Variants in HDGF observed in about 807,000 individuals in gnomAD.
HDGF encodes the protein hepatoma-derived growth factor.
A neutral mutation model predicts 30.0 loss-of-function variants in HDGF; 5 were observed. The observed-to-expected ratio is 0.17, with a 90% confidence interval of 0.09 to 0.35. The LOEUF is 0.35. HDGF is among the 10% of genes least tolerant of loss of function. HDGF has a pLI of 1.00. For synonymous variants in HDGF, 133 were observed against 112.7 expected (o/e 1.18, Z -1.14); for missense variants, 214 against 302.8 (o/e 0.71, Z 2.18).
At chr1:156,755,241 G>A (rs935721458), upstream of HDGF, among the ~76,000 whole-genome samples, 1 of 152,168 alleles carries the variant, frequency 6.6e-6, no homozygotes, top group African/African-American at 2.4e-5. Context: ...AAGGTTGTGG[G>A]GTGCAGATCT....
At chr1:156,747,749 G>T (rs1650686090) in intron 1 of HDGF, among the ~76,000 whole-genome samples, 2 of 152,080 alleles carry the variant, frequency 1.3e-5, no homozygotes, top group Admixed American at 1.3e-4. Context: ...ATGCGTGATG[G>T]AAGAGGAGAA....
At chr1:156,755,737 T>G (rs564545861), upstream of HDGF, 13 of 152,192 alleles carry the variant, frequency 8.5e-5, no homozygotes, top group Non-Finnish European at 1.3e-4. Flanking sequence ...ATTGCCTACT[T>G]CCACCCACGC....
intron 1 of HDGF, chr1:156,747,341 G>C (rs1403485916): frequency 6.8e-6 from 1 of 147,078 alleles, no homozygotes; most frequent in Non-Finnish European, 1.5e-5. Context: ...TCTGGCACCT[G>C]GGTCCCCGGC....
At chr1:156,765,600 G>A (rs1473802261) in intron 1 of HDGF, among the ~76,000 whole-genome samples, 4 of 145,238 alleles carry the variant, frequency 2.8e-5, no homozygotes, top group African/African-American at 7.7e-5. Flanking sequence ...TCAGCCTCAC[G>A]AGTAGCTGAG....
At position 156,743,468 on chromosome 1, in the gene HDGF, G is replaced by T; in HGVS notation, c.717-13C>A. On this transcript the variant is annotated splice_polypyrimidine_tract_variant and intron_variant, in intron 5 of 5. Coordinates refer to ENST00000357325, the MANE Select transcript of HDGF (RefSeq NM_004494.3). ...TGGTGGCTACAGGCTGTGAGGGAGG[G>T]TTGGAGGGGAGAAGGGTTAATGGTG... 2 of 1,528,690 alleles carry T rather than the reference G, an allele frequency of 1.3e-6. No individual in the cohort carries two copies. The highest frequency in any genetic ancestry group is 1.8e-6 in the Non-Finnish European group (2 of 1,138,978). The allele number at this position is 1,528,690 out of a possible 1,614,324, so 94.7% of individuals were successfully genotyped here.
chr1:156,758,618 A>C (rs946533686), intron 2 of HDGF, among the ~76,000 whole-genome samples: 1 of 146,362 alleles, frequency 6.8e-6, no homozygotes, highest in East Asian at 2.0e-4. Flanking sequence ...TAAATAAATA[A>C]ATAAAAAAAA....
Position 156,751,157 on chromosome 1 carries a change from C to T in HDGF, c.87+186G>A, listed in dbSNP as rs574145946. Among the ~76,000 whole-genome samples, 2 of 152,250 alleles carry T rather than the reference C, an allele frequency of 1.3e-5. No homozygotes were observed. The highest frequency in any genetic ancestry group is 2.9e-5 in the Non-Finnish European group (2 of 67,978). On this transcript the variant is annotated intron_variant, in intron 1 of 5. Coordinates refer to ENST00000357325, the MANE Select transcript of HDGF (RefSeq NM_004494.3). This position sits in a 1 kb window ranked among gnomAD's most constrained non-coding sequence, Gnocchi z 4.7. Reference sequence around the variant, plus strand: ...GCCGTGCCCGCCAGGTGTCTACCCCCACCCCCGCCCGCCTCCACCATTATA... The same window carrying T: ...GCCGTGCCCGCCAGGTGTCTACCCCTACCCCCGCCCGCCTCCACCATTATA...
At chr1:156,753,060 C>T (rs1249680066), upstream of HDGF, among the ~76,000 whole-genome samples, 2 of 152,192 alleles carry the variant, frequency 1.3e-5, no homozygotes, top group East Asian at 1.9e-4. Context: ...AACATGACTG[C>T]CCTGGTAACT....
At chr1:156,749,515 G>A (rs1650822612) in intron 1 of HDGF, among the ~76,000 whole-genome samples, 2 of 152,130 alleles carry the variant, frequency 1.3e-5, no homozygotes, top group Admixed American at 6.5e-5. Context: ...TTGAGATCCA[G>A]GCTGATCTCC....
upstream of HDGF, chr1:156,751,691 C>G (rs1281579243): frequency 8.6e-7 from 1 of 1,162,042 alleles, no homozygotes; most frequent in Non-Finnish European, 1.1e-6. This position sits in a 1 kb window ranked among gnomAD's most constrained non-coding sequence, Gnocchi z 4.7. Context: ...CAATTGCTCC[C>G]TCCTCTGCGC....
Position 156,742,462 on chromosome 1 carries a change from A to C in HDGF, c.*987T>G, listed in dbSNP as rs1650189788. On this transcript the variant is annotated 3_prime_UTR_variant, in exon 6 of 6. Coordinates refer to ENST00000357325, the MANE Select transcript of HDGF (RefSeq NM_004494.3). ...GGGGAGCCTCCCAGTGCACCTCAGA[A>C]ATGGGGGCAACGATGGGGAAGGAGC... is the stretch of plus-strand genomic sequence containing the variant. 1 of 152,674 alleles carries C rather than the reference A, an allele frequency of 6.5e-6. No homozygotes were observed. The highest frequency in any genetic ancestry group is 6.5e-5 in the Admixed American group (1 of 15,278). 9.5% of individuals were successfully genotyped at this position (152,674 alleles called of 1,614,324 possible).
At chr1:156,765,083 G>GC (rs1258146950) in intron 1 of HDGF, among the ~76,000 whole-genome samples, 304 of 148,126 alleles carry the variant, frequency 2.1e-3, no homozygotes, top group South Asian at 0.012. Flanking sequence ...CTTTATCCGC[G>GC]CCCCCCCCGC....
intron 2 of HDGF, among the ~76,000 whole-genome samples, chr1:156,758,329 C>T (rs1371882971): frequency 6.7e-5 from 10 of 149,588 alleles, no homozygotes; most frequent in East Asian, 2.0e-4. Context: ...CGGTGGCTCA[C>T]GCCTGTAATT....
chr1:156,751,683 A>G (rs1650991227), upstream of HDGF: 16 of 1,117,580 alleles, frequency 1.4e-5, no homozygotes, highest in Non-Finnish European at 1.6e-5. The surrounding 1 kb of genome is among the most constrained non-coding windows in gnomAD (Gnocchi z 4.7). Flanking sequence ...TTGAAATTCA[A>G]TTGCTCCCTC....
intron 1 of HDGF, among the ~76,000 whole-genome samples, chr1:156,761,838 T>G (rs1313715191): frequency 2.0e-5 from 3 of 149,548 alleles, no homozygotes; most frequent in Non-Finnish European, 4.4e-5. Flanking sequence ...TCCCAGCTAC[T>G]CGGGAGGCTG....
At position 156,765,372 on chromosome 1, in the gene HDGF, C is replaced by A. The variant is rs192652206; in HGVS notation, n.136+1418G>T. On this transcript the variant is annotated intron_variant and non_coding_transcript_variant, in intron 1 of 7. Coordinates refer to the HDGF transcript ENST00000465180. ...CCTCCCAAAATGCTTGGATTATAGG[C>A]GTGAGCCACCGCACCCGACCTTCTT... Among the ~76,000 whole-genome samples, 53 of 151,634 alleles carry A rather than the reference C, an allele frequency of 3.5e-4. 1 individual carries two copies. The highest frequency in any genetic ancestry group is 3.5e-3 in the Admixed American group (53 of 15,222).
At chr1:156,757,724 C>T (rs1651175396) in intron 2 of HDGF, among the ~76,000 whole-genome samples, 1 of 146,900 alleles carries the variant, frequency 6.8e-6, no homozygotes, top group Non-Finnish European at 1.5e-5. Context: ...GCCTGGGAGG[C>T]AGAGGTTGCA....
intron 2 of HDGF, among the ~76,000 whole-genome samples, chr1:156,758,608 T>TAAAACA: frequency 1.1e-5 from 1 of 92,042 alleles, no homozygotes; most frequent in African/African-American, 4.2e-5. Flanking sequence ...AAAAAATAAA[T>TAAAACA]AAATAAATAA....
chr1:156,751,439 C>T lies in HDGF; in HGVS notation c.-10G>A. 1.9e-6 allele frequency: 3 copies of T among 1,550,914 alleles called. No homozygotes were observed. The highest frequency in any genetic ancestry group is 1.7e-6 in the Non-Finnish European group (2 of 1,146,632). On this transcript the variant is annotated 5_prime_UTR_variant, in exon 1 of 6. Coordinates refer to ENST00000357325, the MANE Select transcript of HDGF (RefSeq NM_004494.3). This position sits in a 1 kb window ranked among gnomAD's most constrained non-coding sequence, Gnocchi z 4.7. Reference sequence around the variant, plus strand: ...GGTTGGATCGCGACATGGCGGGGCTCCGGGCGCCCCGGGCTCCGCGCCGGG... The same window carrying T: ...GGTTGGATCGCGACATGGCGGGGCTTCGGGCGCCCCGGGCTCCGCGCCGGG...
Sources: gnomAD v4.1 joint callset for allele counts (sites outside exome capture counted in the v4.1 genomes callset) on GRCh38, gnomAD v4.1.1 for gene constraint, Gnocchi (gnomAD v3.1) non-coding constraint, MANE v1.5 for transcripts, NCBI Gene and HGNC (gene_info 2026-07-23, HGNC 2026-07-21) for gene names.